The following UBE2F variants were observed in gnomAD, a reference collection of about 807,000 sequenced individuals.
The protein encoded by UBE2F is ubiquitin conjugating enzyme E2 F (putative).
A neutral mutation model predicts 29.6 loss-of-function variants in UBE2F; 5 were observed. The observed-to-expected ratio is 0.17, with a 90% CI of 0.09 to 0.36. UBE2F has a LOEUF of 0.36. Among genes scored for constraint, UBE2F ranks in the 10% least tolerant of loss-of-function variants. UBE2F has a pLI of 1.00. For missense variants in UBE2F, 141 were observed against 228.5 expected, an observed-to-expected ratio of 0.62 and a Z score of 2.47; for synonymous variants, 66 against 81.8, an observed-to-expected ratio of 0.81 and a Z score of 1.04.
intron 6 of UBE2F, among the ~76,000 whole-genome samples, chr2:238,028,000 C>G (rs1053233392): frequency 2.0e-5 from 3 of 152,242 alleles, no homozygotes; most frequent in Admixed American, 1.3e-4. Flanking sequence ...TCAGTCAAAG[C>G]TTCTCCTAGA....
chr2:238,005,112 T>C (rs1441187961), intron 4 of UBE2F, among the ~76,000 whole-genome samples: 1 of 152,206 alleles, frequency 6.6e-6, no homozygotes, highest in African/African-American at 2.4e-5. Context: ...ATAGCAGCAA[T>C]GCAAAACTAG....
At chr2:237,973,850 T>C in intron 2 of UBE2F, 1 of 414,416 alleles carries the variant, frequency 2.4e-6, no homozygotes, top group Non-Finnish European at 3.4e-6. Flanking sequence ...AAATTTTGCA[T>C]TTATTCATTT....
At chr2:237,991,016 C>G (rs2063576537) in intron 3 of UBE2F, among the ~76,000 whole-genome samples, 1 of 152,020 alleles carries the variant, frequency 6.6e-6, no homozygotes, top group Non-Finnish European at 1.5e-5. Flanking sequence ...GGTTTTTAAC[C>G]CATAGAGTGT....
At chr2:238,032,390 G>A (rs1386918785) in intron 8 of UBE2F, 136 bp downstream of exon 8, 2 of 726,604 alleles carry the variant, frequency 2.8e-6, no homozygotes, top group African/African-American at 1.8e-5. Flanking sequence ...GCTCACGCCT[G>A]TAATCCTAGC....
chr2:237,970,236 C>T, intron 1 of UBE2F, among the ~76,000 whole-genome samples: 1 of 152,138 alleles, frequency 6.6e-6, no homozygotes, highest in South Asian at 2.1e-4. Flanking sequence ...ATGATGGTGC[C>T]TGCCTGTAGT....
chr2:238,016,159 G>T (rs1272399885), intron 4 of UBE2F, among the ~76,000 whole-genome samples: 1 of 152,196 alleles, frequency 6.6e-6, no homozygotes, highest in Non-Finnish European at 1.5e-5. Context: ...TGTTAGTCTT[G>T]TGTCCTCCAA....
intron 5 of UBE2F, among the ~76,000 whole-genome samples, chr2:238,017,927 C>T (rs1208421313): frequency 6.6e-6 from 1 of 152,180 alleles, no homozygotes; most frequent in East Asian, 1.9e-4. Flanking sequence ...GGCTGCAACA[C>T]TTGTTTTAGA....
intron 3 of UBE2F, among the ~76,000 whole-genome samples, chr2:237,993,308 A>G (rs1182030210): frequency 6.6e-6 from 1 of 151,994 alleles, no homozygotes; most frequent in African/African-American, 2.4e-5. Flanking sequence ...TTTAACTTCC[A>G]TTTGCCGTGG....
intron 9 of UBE2F, among the ~76,000 whole-genome samples, chr2:238,036,755 A>G (rs2064720026): frequency 6.6e-6 from 1 of 152,134 alleles, no homozygotes; most frequent in Non-Finnish European, 1.5e-5. Context: ...GTGCCCGGGA[A>G]GTTGAGTGAG....
chr2:238,035,638 A>G (rs946588169), intron 8 of UBE2F: 62 of 447,598 alleles, frequency 1.4e-4, no homozygotes, highest in Non-Finnish European at 2.4e-4. Flanking sequence ...ACTTTGTAGA[A>G]CTACATGTCA....
intron 2 of UBE2F, among the ~76,000 whole-genome samples, chr2:237,976,322 G>T (rs376273385): frequency 7.0e-4 from 107 of 152,196 alleles, no homozygotes; most frequent in Non-Finnish European, 1.4e-3. Flanking sequence ...GGAGGAGTGG[G>T]TAGAAGCTGA....
chr2:238,038,152 G>A (rs2064759826), intron 9 of UBE2F, among the ~76,000 whole-genome samples: 1 of 152,236 alleles, frequency 6.6e-6, no homozygotes, highest in Admixed American at 6.5e-5. Flanking sequence ...ATCCTGCTCA[G>A]ACTCACAAAA....
rs1415795977 is a variant in UBE2F at position 238,040,248 on chromosome 2, T to TCC, written c.508-1039_508-1038dup. 3.9e-5 allele frequency among the ~76,000 whole-genome samples: 6 copies of TCC among 152,230 alleles called. No homozygotes were observed. In the East Asian group the frequency reaches 1.2e-3, roughly 29 times the overall value. Reference sequence around the variant, plus strand: ...GGTGCCCAGCTGGCCAGGACCATGCTCCAGGCAGGATCTCCCTGCAAGAGG... The same window carrying TCC: ...GGTGCCCAGCTGGCCAGGACCATGCTCCCCAGGCAGGATCTCCCTGCAAGAGG... On this transcript the variant is annotated intron_variant, in intron 9 of 9. Transcript: ENST00000272930. The surrounding 1 kb of genome is among the most constrained non-coding windows in gnomAD (Gnocchi z 4.4).
intron 2 of UBE2F, among the ~76,000 whole-genome samples, chr2:237,978,382 G>A (rs557038353): frequency 6.6e-6 from 1 of 152,324 alleles, no homozygotes; most frequent in East Asian, 1.9e-4. Context: ...CTTGTCCCTG[G>A]GGAGGGGTGC....
intron 2 of UBE2F, among the ~76,000 whole-genome samples, chr2:237,981,828 C>T (rs764207398): frequency 7.9e-5 from 12 of 151,742 alleles, no homozygotes; most frequent in Non-Finnish European, 1.5e-4. Flanking sequence ...GGTTTCGCCA[C>T]GTTGCCCAGG....
rs545711102 is a variant in UBE2F, at chr2:238,019,409, A to T, written c.282+2776A>T. Among the ~76,000 whole-genome samples the T allele has an allele frequency of 1.0e-4, 15 of 150,196 alleles. No individual in the cohort carries two copies. The East Asian group carries it at 2.8e-3, about 28-fold the overall frequency. On this transcript the variant is annotated intron_variant, in intron 5 of 9. Coordinates refer to ENST00000272930, the MANE Select transcript of UBE2F (RefSeq NM_080678.3). ...TGCCTTTTTTTTGATACAGAGTCTCACTCTGTTGCCCAGGCTAGCACGATT... is the reference window on the plus strand; with the variant it reads ...TGCCTTTTTTTTGATACAGAGTCTCTCTCTGTTGCCCAGGCTAGCACGATT...
chr2:238,029,359 C>T (rs556112898), intron 6 of UBE2F, among the ~76,000 whole-genome samples: 16 of 151,736 alleles, frequency 1.1e-4, no homozygotes, highest in Admixed American at 1.3e-4. Context: ...GAGGCCGAGG[C>T]GGGCGGATCA....
Position 237,999,597 on chromosome 2 carries a change from A to G in UBE2F, c.214+4788A>G, listed in dbSNP as rs886239520. ...GTTGAGATTTACTTTATCTATCTAG[A>G]TATCCAGCTGTTTCAATGAAAAGAC... On this transcript the variant is annotated intron_variant, in intron 4 of 9. Coordinates refer to ENST00000272930, the MANE Select transcript of UBE2F (RefSeq NM_080678.3). Among the ~76,000 whole-genome samples, 6 of 152,280 alleles carry G rather than the reference A, an allele frequency of 3.9e-5. No individual in the cohort carries two copies. In the East Asian group the frequency reaches 9.6e-4, roughly 24 times the overall value.
intron 5 of UBE2F, among the ~76,000 whole-genome samples, chr2:238,022,175 C>CTTTTTTTT (rs1162304454): frequency 1.3e-4 from 8 of 63,320 alleles, no homozygotes; most frequent in Admixed American, 1.8e-4. Context: ...CTTTTCTTTT[C>CTTTTTTTT]TTTTTTTTTT....
Sources: allele counts gnomAD v4.1 joint callset (sites outside exome capture counted in the v4.1 genomes callset), GRCh38; gene constraint gnomAD v4.1.1; non-coding constraint Gnocchi (gnomAD v3.1); transcripts MANE v1.5; gene names NCBI Gene and HGNC (gene_info 2026-07-23, HGNC 2026-07-21).